MCTP1: variants seen among roughly 807,000 people sequenced by gnomAD.
MCTP1 encodes the protein multiple C2 and transmembrane domain-containing protein 1.
Under a neutral mutation model 120.6 loss-of-function variants are expected in MCTP1, and 69 were observed. The ratio of observed to expected loss-of-function variants is 0.57; its 90% CI spans 0.47 to 0.70. The LOEUF (loss-of-function observed/expected upper bound fraction) is 0.70, where lower values mean the gene tolerates loss of function less well. MCTP1 is among the 30% of genes least tolerant of loss of function. The pLI is 0.00. For synonymous variants in MCTP1, 529 were observed against 493.1 expected (o/e 1.07, Z -0.96); for missense variants, 1,203 against 1,248.8 (o/e 0.96, Z 0.55).
chr5:94,746,066 C>A (rs1372334882), intron 19 of MCTP1, among the ~76,000 whole-genome samples: 7 of 152,270 alleles, frequency 4.6e-5, no homozygotes, highest in Admixed American at 4.6e-4. Context: ...TTCCCAGAAA[C>A]CCCCGGAACA....
chr5:95,146,496 C>T (rs1760408673), intron 1 of MCTP1, among the ~76,000 whole-genome samples: 1 of 152,142 alleles, frequency 6.6e-6, no homozygotes, highest in Admixed American at 6.5e-5. Flanking sequence ...TGAAATCTTT[C>T]TAACTTCTTG....
intron 2 of MCTP1, among the ~76,000 whole-genome samples, chr5:94,977,905 C>A (rs1828480318): frequency 6.6e-6 from 1 of 151,900 alleles, no homozygotes; most frequent in African/African-American, 2.4e-5. Context: ...GAGTATGACA[C>A]CAAAAGCACA....
At chr5:94,957,902 G>T (rs1252390041) in intron 2 of MCTP1, among the ~76,000 whole-genome samples, 1 of 152,208 alleles carries the variant, frequency 6.6e-6, no homozygotes, top group East Asian at 1.9e-4. Flanking sequence ...CTTGAACTCA[G>T]CTCTGGACTA....
At chr5:94,895,251 C>T (rs573614302) in intron 10 of MCTP1, among the ~76,000 whole-genome samples, 6 of 152,104 alleles carry the variant, frequency 3.9e-5, no homozygotes, top group South Asian at 2.1e-4. Flanking sequence ...TCCCCTCATT[C>T]GTAAATGTTA....
At chr5:95,213,893 C>T (rs535858473) in intron 1 of MCTP1, among the ~76,000 whole-genome samples, 1 of 152,210 alleles carries the variant, frequency 6.6e-6, no homozygotes, top group Non-Finnish European at 1.5e-5. Flanking sequence ...AAACGTTAGA[C>T]CTAAAATCAT....
At chr5:94,892,008 T>C (rs1368156112) in intron 11 of MCTP1, among the ~76,000 whole-genome samples, 1 of 152,124 alleles carries the variant, frequency 6.6e-6, no homozygotes, top group Non-Finnish European at 1.5e-5. Flanking sequence ...ATTTTTTTAA[T>C]GAAAGGCTGT....
chr5:94,868,542 A>C, intron 16 of MCTP1, 90 bp from the exon 17 acceptor site: 1 of 932,216 alleles, frequency 1.1e-6, no homozygotes, highest in Non-Finnish European at 1.5e-6. Flanking sequence ...TGTGACTTAA[A>C]AAGGATTCAG....
At chr5:95,151,130 C>CATATATAT (rs3037035) in intron 1 of MCTP1, among the ~76,000 whole-genome samples, 19,142 of 125,434 alleles carry the variant, frequency 0.15, 1,619 homozygotes, top group East Asian at 0.29. Context: ...ACGCCTGGCT[C>CATATATAT]ATATATATAT....
In MCTP1 at chr5:94,975,491, A is replaced by C. The variant is rs1430468532; in HGVS notation, c.839-22130T>G. On this transcript the variant is annotated intron_variant, in intron 2 of 22. Transcript: ENST00000515393. ...GGAGGCAGGTCCTCACCAGGAACCC[A>C]ATCTGCTGGCACCTTGATCTTAGAC... 2.6e-5 allele frequency among the ~76,000 whole-genome samples: 4 copies of C among 152,102 alleles called. No homozygotes were observed. In the East Asian group the frequency reaches 5.8e-4, roughly 22 times the overall value.
At chr5:94,859,317 G>C (rs997733160) in intron 17 of MCTP1, among the ~76,000 whole-genome samples, 2 of 151,598 alleles carry the variant, frequency 1.3e-5, no homozygotes, top group African/African-American at 4.8e-5. Flanking sequence ...TGGGGGACAG[G>C]GTAGAGCCAG....
chr5:94,757,888 T>C (rs1770314737), intron 19 of MCTP1, among the ~76,000 whole-genome samples: 1 of 152,052 alleles, frequency 6.6e-6, no homozygotes, highest in African/African-American at 2.4e-5. Flanking sequence ...AACAACAACA[T>C]GAGTGCACAG....
At chr5:94,947,575 T>TAGAGAGAGAGAGAG (rs1252999006) in intron 3 of MCTP1, among the ~76,000 whole-genome samples, 1 of 47,428 alleles carries the variant, frequency 2.1e-5, no homozygotes, top group Non-Finnish European at 3.9e-5. Context: ...TATATATATA[T>TAGAGAGAGAGAGAG]ATAGAGAGAG....
chr5:94,882,686 C>T (rs1265856149), intron 12 of MCTP1, among the ~76,000 whole-genome samples: 1 of 152,086 alleles, frequency 6.6e-6, no homozygotes, highest in Non-Finnish European at 1.5e-5. Context: ...AATCTTTGTT[C>T]TACAGAACCT....
chr5:94,919,116 C>T (rs1020340073), intron 7 of MCTP1, among the ~76,000 whole-genome samples: 6 of 152,046 alleles, frequency 3.9e-5, no homozygotes, highest in East Asian at 3.9e-4. Context: ...TATAGATTAT[C>T]GAGAAAGGCT....
chr5:95,188,450 G>A (rs1222921080), intron 1 of MCTP1, among the ~76,000 whole-genome samples: 1 of 152,146 alleles, frequency 6.6e-6, no homozygotes, highest in African/African-American at 2.4e-5. Flanking sequence ...ACAAAAACAT[G>A]TACACTAATG....
At chr5:95,196,419 TG>T (rs1385623660) in intron 1 of MCTP1, among the ~76,000 whole-genome samples, 2 of 152,108 alleles carry the variant, frequency 1.3e-5, no homozygotes, top group Non-Finnish European at 2.9e-5. Flanking sequence ...TACACAAAGC[TG>T]GAAAGTGGCA....
intron 1 of MCTP1, among the ~76,000 whole-genome samples, chr5:95,243,199 A>G (rs1217285320): frequency 6.6e-6 from 1 of 152,230 alleles, no homozygotes; most frequent in African/African-American, 2.4e-5. Flanking sequence ...ATGATAAGAA[A>G]AGATGAGACT....
intron 17 of MCTP1, among the ~76,000 whole-genome samples, chr5:94,864,503 T>C (rs951796161): frequency 2.0e-5 from 3 of 151,952 alleles, no homozygotes; most frequent in Non-Finnish European, 2.9e-5. Flanking sequence ...TTTTGCGACA[T>C]ACATAAATGT....
chr5:95,212,918 G>A (rs1191278962), intron 1 of MCTP1, among the ~76,000 whole-genome samples: 7 of 152,018 alleles, frequency 4.6e-5, no homozygotes, highest in Admixed American at 2.6e-4. Flanking sequence ...TACTGAATGG[G>A]CAAAAACTGG....
Sources: gnomAD v4.1 joint callset for allele counts (sites outside exome capture counted in the v4.1 genomes callset) on GRCh38, gnomAD v4.1.1 for gene constraint, MANE v1.5 for transcripts, NCBI Gene and HGNC (gene_info 2026-07-23, HGNC 2026-07-21) for gene names.